GALNT2: variants seen among roughly 807,000 people sequenced by gnomAD.
The protein encoded by GALNT2 is UDP-GalNAc:polypeptide N-acetylgalactosaminyltransferase 2.
Under a neutral mutation model 81.4 loss-of-function variants are expected in GALNT2, and 31 were observed. The ratio of observed to expected loss-of-function variants is 0.38; its 90% confidence interval spans 0.29 to 0.51. GALNT2 has a LOEUF of 0.51. Ranked by LOEUF, GALNT2 falls within the 20% of genes least tolerant of loss-of-function variation. GALNT2 has a pLI of 0.87. For synonymous variants in GALNT2, 303 were observed against 287.4 expected (o/e 1.05, Z -0.55); for missense variants, 629 against 765.7 (o/e 0.82, Z 2.11).
At chr1:230,132,986 C>T (rs1389150040) in intron 1 of GALNT2, among the ~76,000 whole-genome samples, 4 of 152,158 alleles carry the variant, frequency 2.6e-5, no homozygotes, top group African/African-American at 9.7e-5. Flanking sequence ...CGTAAGCATC[C>T]CCACCACGGT....
At chr1:230,109,642 A>G (rs1360689726) in intron 1 of GALNT2, among the ~76,000 whole-genome samples, 3 of 152,224 alleles carry the variant, frequency 2.0e-5, no homozygotes, top group African/African-American at 7.2e-5. Context: ...AGCCTGGTCA[A>G]CATGGTGAAA....
At chr1:230,093,682 C>G (rs185277080) in intron 1 of GALNT2, among the ~76,000 whole-genome samples, 5 of 152,332 alleles carry the variant, frequency 3.3e-5, no homozygotes, top group Middle Eastern at 3.4e-3. Flanking sequence ...AGATCGAATA[C>G]CCAATGGTGG....
At chr1:230,059,856 C>G (rs2102731839) in intron 1 of GALNT2, among the ~76,000 whole-genome samples, 1 of 152,212 alleles carries the variant, frequency 6.6e-6, no homozygotes, top group East Asian at 1.9e-4. Flanking sequence ...CCCCCTTAAC[C>G]CTTGATACTT....
intron 3 of GALNT2, among the ~76,000 whole-genome samples, chr1:230,225,426 C>T (rs937832411): frequency 6.6e-6 from 1 of 152,130 alleles, no homozygotes; most frequent in South Asian, 2.1e-4. Flanking sequence ...CTGAGGAGGG[C>T]CTGTTTCCCG....
At chr1:230,222,170 G>C (rs1330525645) in intron 3 of GALNT2, among the ~76,000 whole-genome samples, 6 of 151,872 alleles carry the variant, frequency 4.0e-5, no homozygotes, top group Non-Finnish European at 7.4e-5. Context: ...GGGACTACAG[G>C]CGTCCACCAC....
At chr1:230,064,174 G>A (rs545977045), upstream of GALNT2, among the ~76,000 whole-genome samples, 27 of 152,034 alleles carry the variant, frequency 1.8e-4, no homozygotes, top group South Asian at 4.8e-3. Flanking sequence ...TGTTTTATAT[G>A]GTATCCTTTC....
At position 230,279,736 on chromosome 1, in the gene GALNT2, G is replaced by A. The variant is rs1051578586; in HGVS notation, c.*278G>A. The A allele has an allele frequency of 1.1e-5, 6 of 526,082 alleles. No individual in the cohort carries two copies. The highest frequency in any genetic ancestry group is 7.2e-5 in the Admixed American group (3 of 41,902). 32.6% of individuals were successfully genotyped at this position (526,082 alleles called of 1,614,324 possible). A position where few individuals can be genotyped will look rare whatever the true frequency, so the allele number is the denominator to read the frequency against. ...TTCCTTCCAGCTTTCACTTCTGCCG[G>A]CTCCGCAACTGAGTGACACCCAGCG... On this transcript the variant is annotated 3_prime_UTR_variant, in exon 16 of 16. Transcript: ENST00000366672. This position sits in a 1 kb window ranked among gnomAD's most constrained non-coding sequence, Gnocchi z 4.6.
intron 3 of GALNT2, among the ~76,000 whole-genome samples, chr1:230,205,317 T>A (rs1289464268): frequency 1.3e-5 from 2 of 152,234 alleles, no homozygotes; most frequent in Non-Finnish European, 2.9e-5. Context: ...CCAGCTCATA[T>A]TTAAGAAATA....
At chr1:230,058,388 C>G (rs1029563524) in intron 1 of GALNT2, among the ~76,000 whole-genome samples, 2 of 152,154 alleles carry the variant, frequency 1.3e-5, no homozygotes, top group Non-Finnish European at 2.9e-5. Context: ...CCTAAGCCCC[C>G]GTGATGCTGT....
chr1:230,225,671 A>C (rs1363513587), intron 3 of GALNT2, among the ~76,000 whole-genome samples: 1 of 146,796 alleles, frequency 6.8e-6, no homozygotes, highest in Admixed American at 6.8e-5. Context: ...TGGAGGAGGC[A>C]GAGTTTTTTT....
chr1:230,228,878 T>C (rs1240436126), intron 3 of GALNT2, among the ~76,000 whole-genome samples: 2 of 152,238 alleles, frequency 1.3e-5, no homozygotes, highest in East Asian at 3.9e-4. Context: ...AGAAAACTAA[T>C]ATTTCTATAA....
intron 3 of GALNT2, among the ~76,000 whole-genome samples, chr1:230,210,874 T>G (rs1254078997): frequency 2.0e-5 from 3 of 152,234 alleles, no homozygotes; most frequent in African/African-American, 7.2e-5. Context: ...GATTAAGGAT[T>G]GTGGGGAAAG....
intron 3 of GALNT2, among the ~76,000 whole-genome samples, chr1:230,225,278 A>G (rs1233043088): frequency 6.6e-6 from 1 of 152,196 alleles, no homozygotes; most frequent in Non-Finnish European, 1.5e-5. Context: ...CATTCTATCC[A>G]GTAGCCTGCC....
chr1:230,185,471 T>C (rs1663304562), intron 2 of GALNT2, among the ~76,000 whole-genome samples: 1 of 152,106 alleles, frequency 6.6e-6, no homozygotes, highest in African/African-American at 2.4e-5. Flanking sequence ...TTGGTCTCAT[T>C]CTTTTAGGGA....
intron 1 of GALNT2, among the ~76,000 whole-genome samples, chr1:230,060,734 A>G (rs1659026380): frequency 6.6e-6 from 1 of 152,138 alleles, no homozygotes; most frequent in Non-Finnish European, 1.5e-5. Context: ...CTGAATGTCT[A>G]TCAGTTGGCA....
At chr1:230,132,179 G>A (rs1661389360) in intron 1 of GALNT2, among the ~76,000 whole-genome samples, 1 of 152,036 alleles carries the variant, frequency 6.6e-6, no homozygotes. Flanking sequence ...TCGTAATGAC[G>A]GTCTCAAGTA....
rs150175650 is a variant in GALNT2, at chr1:230,272,392, A to G, written c.1441-2053A>G. ...CAGGCCAAGCAGGTGCTTCTACTCT[A>G]GGACTCTTCAGAGCCTTTAATAGAC... On this transcript the variant is annotated intron_variant, in intron 14 of 15. Transcript: ENST00000366672. 1.0e-3 allele frequency among the ~76,000 whole-genome samples: 158 copies of G among 152,312 alleles called. 2 individuals are homozygous for G. In the East Asian group the frequency reaches 0.028, roughly 27 times the overall value.
chr1:230,241,895 A>C (rs966180214), intron 6 of GALNT2, among the ~76,000 whole-genome samples: 1 of 152,248 alleles, frequency 6.6e-6, no homozygotes, highest in Admixed American at 6.5e-5. Context: ...TTTTCTCTGC[A>C]GTAGATAGCA....
At chr1:230,217,175 A>G (rs1162569435) in intron 3 of GALNT2, among the ~76,000 whole-genome samples, 1 of 152,066 alleles carries the variant, frequency 6.6e-6, no homozygotes, top group Non-Finnish European at 1.5e-5. Context: ...GTTTTTAAAA[A>G]GCATGTTAAA....
Sources: gnomAD v4.1 joint callset for allele counts (sites outside exome capture counted in the v4.1 genomes callset) on GRCh38, gnomAD v4.1.1 for gene constraint, Gnocchi (gnomAD v3.1) non-coding constraint, MANE v1.5 for transcripts, NCBI Gene and HGNC (gene_info 2026-07-23, HGNC 2026-07-21) for gene names.